Variants in PDE2A observed in about 807,000 individuals in gnomAD.
PDE2A encodes phosphodiesterase 2A.
A neutral mutation model predicts 133.6 loss-of-function variants in PDE2A; 53 were observed. The observed-to-expected ratio is 0.40, with a 90% CI of 0.32 to 0.50. The LOEUF (loss-of-function observed/expected upper bound fraction) is 0.50. Among genes scored for constraint, PDE2A ranks in the 20% least tolerant of loss-of-function variants. PDE2A has a pLI of 0.73. For synonymous variants in PDE2A, 491 were observed against 490.2 expected (o/e 1.00, Z -0.02); for missense variants, 796 against 1,232.4 (o/e 0.65, Z 5.30).
intron 1 of PDE2A, among the ~76,000 whole-genome samples, chr11:72,648,910 C>G (rs1274561627): frequency 6.6e-6 from 1 of 152,186 alleles, no homozygotes; most frequent in Non-Finnish European, 1.5e-5. Flanking sequence ...CATGCTCACA[C>G]AGCTCCTACA....
Position 72,590,552 on chromosome 11 carries a change from A to T in PDE2A, c.578T>A (p.Val193Asp), listed in dbSNP as rs1856198256. The part of the protein sequence containing the change: ...HTLVALRRVQ[V>D]LQQRGPREAP... Reference sequence around the variant, plus strand: ...CTCCCTGGGCCCGCGCTGCTGCAGGACCTGCACCCTCCGCAGGGCGACCAG... The same window carrying T: ...CTCCCTGGGCCCGCGCTGCTGCAGGTCCTGCACCCTCCGCAGGGCGACCAG... Residue 193 changes from valine (V) to aspartate (D), a missense_variant, in exon 8 of 31, where the codon GTC becomes GAC. Physicochemically the swap from Val to Asp is radical, Grantham distance 152. Coordinates refer to ENST00000334456, the MANE Select transcript of PDE2A (RefSeq NM_002599.5). This position sits in a 1 kb window ranked among gnomAD's most constrained non-coding sequence, Gnocchi z 4.8. The T allele has an allele frequency of 7.1e-7, 1 of 1,404,024 alleles. No homozygotes were observed. Among genetic ancestry groups the T allele is most frequent in the African/African-American group, 1.5e-5 (1 of 66,074 alleles). 87.0% of individuals were successfully genotyped at this position (1,404,024 alleles called of 1,614,324 possible).
In PDE2A at chr11:72,586,191, G is replaced by C. The variant is rs771489635; in HGVS notation, c.1071-10C>G. ...GTCCTCGTCGGTGAACCTGGAGGAG[G>C]GGGTGGGCTCACTCAGGAGGGAAGG... On this transcript the variant is annotated splice_polypyrimidine_tract_variant and intron_variant, in intron 13 of 30. Transcript: ENST00000334456. 30 of 1,540,476 alleles carry C rather than the reference G, an allele frequency of 1.9e-5. No homozygotes were observed. Among genetic ancestry groups the C allele is most frequent in the Non-Finnish European group, 2.5e-5 (28 of 1,116,514 alleles).
chr11:72,619,058 ACACACACACACACG>A (rs1212028477), intron 2 of PDE2A, among the ~76,000 whole-genome samples: 1 of 152,092 alleles, frequency 6.6e-6, no homozygotes, highest in Non-Finnish European at 1.5e-5. Flanking sequence ...GTGCGCACAC[ACACACACACACACG>A]CACACACTGG....
At chr11:72,662,352 C>A (rs1855091100) in intron 1 of PDE2A, among the ~76,000 whole-genome samples, 1 of 152,180 alleles carries the variant, frequency 6.6e-6, no homozygotes, top group Non-Finnish European at 1.5e-5. Context: ...CATAAGGGGG[C>A]TGCCCTCACT....
At chr11:72,579,781 G>A (rs891216638) in intron 25 of PDE2A, 173 bp from the exon 26 acceptor site, 3 of 599,462 alleles carry the variant, frequency 5.0e-6, no homozygotes, top group African/African-American at 3.7e-5. Context: ...TCAACCCTCT[G>A]TGTGACCCAG....
intron 13 of PDE2A, among the ~76,000 whole-genome samples, chr11:72,587,526 C>T (rs1856031064): frequency 6.6e-6 from 1 of 152,206 alleles, no homozygotes; most frequent in South Asian, 2.1e-4. Flanking sequence ...CACCTCTTCT[C>T]CAGCTCTGGG....
At chr11:72,635,669 A>C (rs905640706) in intron 2 of PDE2A, among the ~76,000 whole-genome samples, 6 of 152,200 alleles carry the variant, frequency 3.9e-5, no homozygotes, top group African/African-American at 1.4e-4. Flanking sequence ...TCGCTTGGAG[A>C]TATTGACCCC....
intron 3 of PDE2A, among the ~76,000 whole-genome samples, chr11:72,605,830 G>A (rs1164170787): frequency 6.6e-6 from 1 of 150,920 alleles, no homozygotes; most frequent in Non-Finnish European, 1.5e-5. Flanking sequence ...AGTGGGCAGG[G>A]TGCAGAATGG....
At chr11:72,656,864 TC>T (rs952034053) in intron 1 of PDE2A, among the ~76,000 whole-genome samples, 13 of 151,508 alleles carry the variant, frequency 8.6e-5, no homozygotes, top group African/African-American at 1.2e-4. Flanking sequence ...AAATGAACCC[TC>T]CCATTTAAAA....
At chr11:72,634,662 C>T (rs1382112303) in intron 2 of PDE2A, among the ~76,000 whole-genome samples, 1 of 152,248 alleles carries the variant, frequency 6.6e-6, no homozygotes, top group Non-Finnish European at 1.5e-5. Context: ...ATAAGAAGGA[C>T]TCAGGAGGCA....
At chr11:72,666,841 C>G (rs889290526) in intron 1 of PDE2A, among the ~76,000 whole-genome samples, 1 of 152,234 alleles carries the variant, frequency 6.6e-6, no homozygotes, top group Admixed American at 6.5e-5. Flanking sequence ...TGCAGTGGCT[C>G]ATGCCTGTAA....
At chr11:72,614,032 G>T (rs941397854) in intron 2 of PDE2A, among the ~76,000 whole-genome samples, 1 of 152,260 alleles carries the variant, frequency 6.6e-6, no homozygotes, top group African/African-American at 2.4e-5. Flanking sequence ...GCCCGCTTCA[G>T]CTGAGCCTCG....
chr11:72,661,713 A>G (rs963050163), intron 1 of PDE2A, among the ~76,000 whole-genome samples: 3 of 152,250 alleles, frequency 2.0e-5, no homozygotes, highest in Non-Finnish European at 2.9e-5. Flanking sequence ...GAGACGCTGC[A>G]CAGGTGGGGA....
intron 1 of PDE2A, chr11:72,657,896 C>T (rs1269124889): frequency 1.1e-5 from 5 of 456,070 alleles, no homozygotes; most frequent in Non-Finnish European, 2.2e-5. Flanking sequence ...TCAGTGAAGG[C>T]CATGATGGGA....
At chr11:72,608,547 C>T in intron 3 of PDE2A, 115 bp downstream of exon 3, 1 of 630,580 alleles carries the variant, frequency 1.6e-6, no homozygotes. Context: ...TGAAAGTCCT[C>T]TGGGCAGGGA....
intron 16 of PDE2A, 82 bp from the exon 17 acceptor site, chr11:72,585,026 G>T: frequency 6.5e-6 from 9 of 1,377,756 alleles, no homozygotes; most frequent in Non-Finnish European, 9.3e-6. Context: ...GCAAAGGCCG[G>T]ATTTCCGAGG....
chr11:72,630,184 G>A (rs936990893), intron 2 of PDE2A, among the ~76,000 whole-genome samples: 4 of 152,158 alleles, frequency 2.6e-5, no homozygotes, highest in African/African-American at 9.7e-5. Context: ...GCTGAGCCCT[G>A]CACCGGTACC....
At chr11:72,672,621 C>T (rs1443906405) in intron 1 of PDE2A, among the ~76,000 whole-genome samples, 2 of 152,076 alleles carry the variant, frequency 1.3e-5, no homozygotes, top group Non-Finnish European at 2.9e-5. Flanking sequence ...TCCTGCCTGC[C>T]CCCCACTCTA....
chr11:72,578,361 G>A lies in PDE2A; in HGVS notation c.2509-22C>T. On this transcript the variant is annotated intron_variant, in intron 29 of 30. Coordinates refer to ENST00000334456, the MANE Select transcript of PDE2A (RefSeq NM_002599.5). This position sits in a 1 kb window ranked among gnomAD's most constrained non-coding sequence, Gnocchi z 4.2. ...TCTCCTGCAGGCATCGAGTCGTCAG[G>A]CCTGTCCCTCTCATTCCTCCATCGG... is the stretch of plus-strand genomic sequence containing the variant. 6.3e-7 allele frequency: 1 copy of A among 1,593,724 alleles called. No individual in the cohort carries two copies. The highest frequency in any genetic ancestry group is 8.6e-7 in the Non-Finnish European group (1 of 1,161,618).
Sources: allele counts gnomAD v4.1 joint callset (sites outside exome capture counted in the v4.1 genomes callset), GRCh38; gene constraint gnomAD v4.1.1; non-coding constraint Gnocchi (gnomAD v3.1); transcripts MANE v1.5; gene names NCBI Gene and HGNC (gene_info 2026-07-23, HGNC 2026-07-21).